The following RAPGEF6 variants were observed in gnomAD, a reference collection of about 807,000 sequenced individuals.
The protein encoded by RAPGEF6 is PDZ domain containing guanine nucleotide exchange factor (GEF) 2.
A neutral mutation model predicts 171.4 loss-of-function variants in RAPGEF6; 56 were observed. The ratio of observed to expected loss-of-function variants is 0.33; its 90% CI spans 0.26 to 0.41. The LOEUF (loss-of-function observed/expected upper bound fraction) is 0.41, where lower values mean the gene tolerates loss of function less well. Among genes scored for constraint, RAPGEF6 ranks in the 10% least tolerant of loss-of-function variants. RAPGEF6 has a pLI of 1.00. For synonymous variants in RAPGEF6, 692 were observed against 650.1 expected (o/e 1.06, Z -0.98); for missense variants, 1,674 against 1,921.4 (o/e 0.87, Z 2.41).
intron 1 of RAPGEF6, among the ~76,000 whole-genome samples, chr5:131,623,477 C>CATTTTTTTTTTTT (rs1554088737): frequency 1.8e-5 from 2 of 114,184 alleles, no homozygotes; most frequent in African/African-American, 3.4e-5. Flanking sequence ...TTTCACATTG[C>CATTTTTTTTTTTT]TTTTTTTTTT....
chr5:131,565,652 C>T (rs933660263), intron 4 of RAPGEF6, among the ~76,000 whole-genome samples: 2 of 152,018 alleles, frequency 1.3e-5, no homozygotes, highest in Non-Finnish European at 2.9e-5. Context: ...ACTTATAGAT[C>T]AATAAAACAG....
At chr5:131,441,929 T>C (rs528483371) in intron 23 of RAPGEF6, among the ~76,000 whole-genome samples, 1 of 152,228 alleles carries the variant, frequency 6.6e-6, no homozygotes, top group African/African-American at 2.4e-5. Context: ...AAAAGTTATA[T>C]TCTCTTGTTT....
Position 131,431,967 on chromosome 5 carries a change from C to T in RAPGEF6, c.3975-618G>A, listed in dbSNP as rs149925234. Reference sequence around the variant, plus strand: ...TTTTCAACGTACCTCTGAGGTTAGCCCAGTACAGTGCCAAGTAAACAGCAA... The same window carrying T: ...TTTTCAACGTACCTCTGAGGTTAGCTCAGTACAGTGCCAAGTAAACAGCAA... On this transcript the variant is annotated intron_variant, in intron 25 of 27. Coordinates refer to ENST00000509018, the MANE Select transcript of RAPGEF6 (RefSeq NM_016340.6). Among the ~76,000 whole-genome samples, 4 of 152,136 alleles carry T rather than the reference C, an allele frequency of 2.6e-5. No individual in the cohort carries two copies. The East Asian group carries it at 7.7e-4, about 29-fold the overall frequency.
chr5:131,528,502 C>T (rs1471833224), intron 6 of RAPGEF6, among the ~76,000 whole-genome samples: 1 of 150,710 alleles, frequency 6.6e-6, no homozygotes, highest in Non-Finnish European at 1.5e-5. Flanking sequence ...ACATTCCTAA[C>T]TCATTATTTT....
At chr5:131,503,560 C>G (rs935365239) in intron 11 of RAPGEF6, among the ~76,000 whole-genome samples, 5 of 152,226 alleles carry the variant, frequency 3.3e-5, no homozygotes, top group African/African-American at 1.2e-4. Context: ...TGACATCAGA[C>G]TTCAAATTAT....
At chr5:131,552,461 CT>C (rs200660234) in intron 5 of RAPGEF6, among the ~76,000 whole-genome samples, 450 of 141,850 alleles carry the variant, frequency 3.2e-3, no homozygotes, top group Admixed American at 2.9e-3. Flanking sequence ...AAAAATGCAA[CT>C]TTTTTTTTTT....
chr5:131,586,831 T>A (rs1452245447), intron 4 of RAPGEF6, among the ~76,000 whole-genome samples: 2 of 152,182 alleles, frequency 1.3e-5, no homozygotes, highest in Non-Finnish European at 2.9e-5. Flanking sequence ...AATTAGTGCA[T>A]CAATTTGGAA....
chr5:131,585,261 G>A (rs1318911316), intron 4 of RAPGEF6, among the ~76,000 whole-genome samples: 1 of 109,836 alleles, frequency 9.1e-6, no homozygotes, highest in Non-Finnish European at 1.9e-5. Flanking sequence ...AACAAGAAAA[G>A]TTCTAGAAAA....
intron 24 of RAPGEF6, chr5:131,436,518 T>C: frequency 1.2e-6 from 1 of 802,712 alleles, no homozygotes; most frequent in South Asian, 2.0e-5. Context: ...TTTTAATGCA[T>C]GGAAAAAAAT....
intron 3 of RAPGEF6, among the ~76,000 whole-genome samples, chr5:131,602,794 C>G (rs544515545): frequency 1.3e-5 from 2 of 151,992 alleles, no homozygotes; most frequent in African/African-American, 4.8e-5. Flanking sequence ...AAAAAGAAAA[C>G]TAGAAATAAC....
chr5:131,435,795 TA>T, intron 24 of RAPGEF6: 1 of 1,339,904 alleles, frequency 7.5e-7, no homozygotes, highest in Non-Finnish European at 9.8e-7. Context: ...AATACATCAG[TA>T]AAATAACTTA....
intron 15 of RAPGEF6, among the ~76,000 whole-genome samples, chr5:131,481,823 A>G (rs901470197): frequency 5.3e-5 from 8 of 152,252 alleles, no homozygotes; most frequent in Non-Finnish European, 1.0e-4. Context: ...CTGTGGAAGC[A>G]AACACTCAGC....
intron 17 of RAPGEF6, among the ~76,000 whole-genome samples, chr5:131,471,082 ATTAACT>A (rs1418437909): frequency 1.3e-5 from 2 of 152,240 alleles, no homozygotes; most frequent in Non-Finnish European, 2.9e-5. Context: ...AAATAGTTTA[ATTAACT>A]TTATACTTTG....
Position 131,426,905 on chromosome 5 carries a change from G to A in RAPGEF6, c.*361C>T, listed in dbSNP as rs1431028266. On this transcript the variant is annotated 3_prime_UTR_variant, in exon 28 of 28. Transcript: ENST00000509018. ...TGTCCTTCAGCCCAAGCTATGGCTT[G>A]GAAATAATAATGCCATTATCTTTAA... 4.7e-6 allele frequency: 1 copy of A among 213,584 alleles called. No homozygotes were observed. Among genetic ancestry groups the A allele is most frequent in the African/African-American group, 2.3e-5 (1 of 43,104 alleles). 13.2% of individuals were successfully genotyped at this position (213,584 alleles called of 1,614,324 possible).
intron 6 of RAPGEF6, among the ~76,000 whole-genome samples, chr5:131,530,622 T>C (rs1272523221): frequency 2.0e-5 from 3 of 152,216 alleles, no homozygotes; most frequent in South Asian, 2.1e-4. Flanking sequence ...TGGAGACATG[T>C]ACTCTTACAA....
At chr5:131,493,808 T>C (rs1756454050) in intron 13 of RAPGEF6, among the ~76,000 whole-genome samples, 1 of 152,208 alleles carries the variant, frequency 6.6e-6, no homozygotes, top group Non-Finnish European at 1.5e-5. Flanking sequence ...CCATGACTTT[T>C]TTTCCCACAT....
At chr5:131,579,857 G>A (rs1267712356) in intron 4 of RAPGEF6, among the ~76,000 whole-genome samples, 1 of 152,138 alleles carries the variant, frequency 6.6e-6, no homozygotes, top group East Asian at 1.9e-4. Flanking sequence ...GTGCTGATTG[G>A]CGCATATACA....
At position 131,430,869 on chromosome 5, in the gene RAPGEF6, C is replaced by T. The variant is rs1288070108; in HGVS notation, c.4455G>A (p.Lys1485=). 6.3e-7 allele frequency: 1 copy of T among 1,598,442 alleles called. No homozygotes were observed. The highest frequency in any genetic ancestry group is 1.8e-5 in the Admixed American group (1 of 56,350). ...AAAAACACAACTTACCAATCAAGCC[C>T]TTTTCTGTACTTGAAGTGACAGTTT... ...VYKTVTSSTE[K]GLIVYCVTSP... The change falls in exon 26 of 28, where the codon AAG becomes AAA. Residue 1485 remains lysine, a synonymous_variant. Transcript: ENST00000509018.
chr5:131,465,665 T>C (rs1002689062), intron 17 of RAPGEF6, among the ~76,000 whole-genome samples: 11 of 151,960 alleles, frequency 7.2e-5, no homozygotes, highest in African/African-American at 2.2e-4. Flanking sequence ...TTCTTGTAGT[T>C]CCAGCTACTC....
Sources: allele counts gnomAD v4.1 joint callset (sites outside exome capture counted in the v4.1 genomes callset), GRCh38; gene constraint gnomAD v4.1.1; transcripts MANE v1.5; gene names NCBI Gene and HGNC (gene_info 2026-07-23, HGNC 2026-07-21).